The following ADD2 variants were observed in gnomAD, a reference collection of about 807,000 sequenced individuals.
ADD2 encodes the protein adducin 2, also known as beta-adducin.
ADD2 carries 23 observed loss-of-function variants against 83.0 expected under a neutral mutation model. The observed-to-expected ratio is 0.28, with a 90% CI of 0.20 to 0.39. ADD2 has a LOEUF of 0.39. ADD2 is among the 10% of genes least tolerant of loss of function. The pLI, the probability that ADD2 is intolerant of heterozygous loss-of-function variation, is 1.00. For synonymous variants in ADD2, 375 were observed against 375.4 expected, an observed-to-expected ratio of 1.00 and a Z score of 0.01; for missense variants, 758 against 944.9, an observed-to-expected ratio of 0.80 and a Z score of 2.59.
At chr2:70,736,005 T>C (rs79188300) in intron 1 of ADD2, among the ~76,000 whole-genome samples, 2,450 of 151,874 alleles carry the variant, frequency 0.016, 27 homozygotes, top group Non-Finnish European at 0.025. Context: ...ACACAGCCCA[T>C]GTTCCCCCAC....
intron 15 of ADD2, among the ~76,000 whole-genome samples, chr2:70,671,464 A>G (rs1669890615): frequency 6.6e-6 from 1 of 152,190 alleles, no homozygotes; most frequent in Non-Finnish European, 1.5e-5. Context: ...GTGAGTCGCA[A>G]AAGAAAAATG....
At chr2:70,732,764 T>C (rs1553379532) in intron 1 of ADD2, among the ~76,000 whole-genome samples, 1 of 152,220 alleles carries the variant, frequency 6.6e-6, no homozygotes, top group African/African-American at 2.4e-5. Flanking sequence ...GTCAGTGTCT[T>C]TCCTTTGGGG....
At position 70,678,698 on chromosome 2, in the gene ADD2, C is replaced by T. The variant is rs1553368891; in HGVS notation, c.1383+6G>A. 4.5e-6 allele frequency: 7 copies of T among 1,552,568 alleles called. No homozygotes were observed. The African/African-American group carries it at 6.8e-5, about 15-fold the overall frequency. On this transcript the variant is annotated splice_donor_region_variant and intron_variant, in intron 11 of 15. Transcript: ENST00000264436. ...CTGCCCGGGTCTGTCCTGGGCTCCC[C>T]CTTACCGTGGTCTTGGGTCGGGGGC...
In ADD2 at chr2:70,656,999, AC is replaced by A. The variant is rs1256178704; in HGVS notation, c.*6425del. On this transcript the variant is annotated 3_prime_UTR_variant, in exon 16 of 16. Coordinates refer to ENST00000264436, the MANE Select transcript of ADD2 (RefSeq NM_001617.4). ...TCAAACAGAAAACTATACAAAACCA[AC>A]CCATAAATATATATATATATATAAT... The A allele has an allele frequency of 1.4e-5, 2 of 141,716 alleles. No homozygotes were observed. Among genetic ancestry groups the A allele is most frequent in the African/African-American group, 5.3e-5 (2 of 37,990 alleles). 8.8% of individuals were successfully genotyped at this position (141,716 alleles called of 1,614,324 possible).
intron 1 of ADD2, among the ~76,000 whole-genome samples, chr2:70,761,373 C>A (rs949429887): frequency 4.0e-5 from 6 of 150,942 alleles, no homozygotes; most frequent in Non-Finnish European, 7.4e-5. Flanking sequence ...CTTTGGGAGG[C>A]CGAGGTGGGT....
chr2:70,669,800 T>C (rs547674089), intron 15 of ADD2, among the ~76,000 whole-genome samples: 4 of 152,178 alleles, frequency 2.6e-5, no homozygotes, highest in Admixed American at 1.3e-4. Context: ...CCAACAACCC[T>C]GATGGAAAAA....
chr2:70,749,096 C>T (rs942883720), intron 1 of ADD2, among the ~76,000 whole-genome samples: 1 of 152,060 alleles, frequency 6.6e-6, no homozygotes, highest in Non-Finnish European at 1.5e-5. Context: ...GCTGGTGAGG[C>T]CTCAGGAAAC....
chr2:70,751,229 G>A lies in ADD2; in HGVS notation c.-154+16657C>T, dbSNP rs186539819. ...GACACTCTGGAATTCCAGAGGGAATGTTTCAGTATATAACAGTTGACGCTT... is the reference window on the plus strand; with the variant it reads ...GACACTCTGGAATTCCAGAGGGAATATTTCAGTATATAACAGTTGACGCTT... On this transcript the variant is annotated intron_variant, in intron 1 of 15. Transcript: ENST00000264436. Among the ~76,000 whole-genome samples, 3 of 152,262 alleles carry A rather than the reference G, an allele frequency of 2.0e-5. No homozygotes were observed. The East Asian group carries it at 5.8e-4, about 29-fold the overall frequency.
chr2:70,669,041 C>T lies in ADD2; in HGVS notation c.1870+3837G>A, dbSNP rs187328718. 2.4e-3 allele frequency among the ~76,000 whole-genome samples: 362 copies of T among 152,202 alleles called. 3 individuals are homozygous for T. The highest frequency in any genetic ancestry group is 8.4e-3 in the African/African-American group (350 of 41,504). ...AGGTCATAGAGAGATTCATTAAAGA[C>T]CTTGAAAAAAAACATGTCCTATGTT... On this transcript the variant is annotated intron_variant, in intron 15 of 15. Transcript: ENST00000264436.
At position 70,731,543 on chromosome 2, in the gene ADD2, C is replaced by T. The variant is rs138757906; in HGVS notation, c.-153-18359G>A. On this transcript the variant is annotated intron_variant, in intron 1 of 15. Transcript: ENST00000264436. ...AAGCCTTGTCTGACTTTGTGCATCA[C>T]CATATCCCCAGCACCCAGAATAGCG... Among the ~76,000 whole-genome samples the T allele has an allele frequency of 2.8e-3, 433 of 152,298 alleles. 2 individuals are homozygous for T. Among genetic ancestry groups the T allele is most frequent in the South Asian group, 0.012 (58 of 4,828 alleles).
chr2:70,762,761 A>C (rs1242476430), intron 1 of ADD2, among the ~76,000 whole-genome samples: 2 of 149,214 alleles, frequency 1.3e-5, no homozygotes, highest in Non-Finnish European at 3.0e-5. Context: ...GCTGGAGTGC[A>C]ATGGTGTGAT....
Position 70,690,827 on chromosome 2 carries a change from C to T in ADD2, c.808G>A (p.Asp270Asn), listed in dbSNP as rs782454129. The T allele has an allele frequency of 1.2e-5, 19 of 1,614,054 alleles. No homozygotes were observed. The highest frequency in any genetic ancestry group is 1.6e-5 in the Non-Finnish European group (19 of 1,180,030). ...AGGCACTTCTGCAGGTTGATCCGATCGGCTTCCTGCTCCATTTCCCCATTG... is the reference window on the plus strand; with the variant it reads ...AGGCACTTCTGCAGGTTGATCCGATTGGCTTCCTGCTCCATTTCCCCATTG... ...DFNGEMEQEA[D>N]RINLQKCLGP... Residue 270 changes from aspartate (D) to asparagine (N), a missense_variant, in exon 8 of 16, where the codon GAT (aspartate) becomes AAT (asparagine). Coordinates refer to ENST00000264436, the MANE Select transcript of ADD2 (RefSeq NM_001617.4).
At chr2:70,698,954 T>C (rs1574259315) in intron 4 of ADD2, among the ~76,000 whole-genome samples, 1 of 152,154 alleles carries the variant, frequency 6.6e-6, no homozygotes, top group African/African-American at 2.4e-5. Flanking sequence ...TAACAACCTA[T>C]CTGGGCTTGA....
At chr2:70,680,496 C>A (rs1321280681) in intron 10 of ADD2, among the ~76,000 whole-genome samples, 1 of 152,134 alleles carries the variant, frequency 6.6e-6, no homozygotes, top group African/African-American at 2.4e-5. Context: ...ATTGCCCTAG[C>A]CATTCTGAAT....
At chr2:70,672,841 C>T (rs782318291) in intron 15 of ADD2, 37 bp downstream of exon 15, 12 of 1,579,338 alleles carry the variant, frequency 7.6e-6, no homozygotes, top group South Asian at 3.5e-5. Context: ...CAGATGCACC[C>T]CTCTCCCTCC....
chr2:70,765,883 T>C (rs1675355946), intron 1 of ADD2, among the ~76,000 whole-genome samples: 2 of 152,220 alleles, frequency 1.3e-5, no homozygotes, highest in Admixed American at 6.5e-5. Flanking sequence ...TGAATCCCTG[T>C]AAACTATCTT....
chr2:70,749,828 A>G (rs1230758198), intron 1 of ADD2, among the ~76,000 whole-genome samples: 1 of 152,234 alleles, frequency 6.6e-6, no homozygotes, highest in Non-Finnish European at 1.5e-5. Context: ...CATTGGTACC[A>G]TAAGGAGTCG....
chr2:70,761,002 A>T (rs1675056953), intron 1 of ADD2, among the ~76,000 whole-genome samples: 1 of 152,164 alleles, frequency 6.6e-6, no homozygotes, highest in Non-Finnish European at 1.5e-5. Context: ...TGTTACTGTG[A>T]AACAGCAACA....
chr2:70,717,056 C>A (rs1467248564), intron 1 of ADD2, among the ~76,000 whole-genome samples: 6 of 152,100 alleles, frequency 3.9e-5, no homozygotes, highest in African/African-American at 1.4e-4. Flanking sequence ...CCCTTGAGCA[C>A]CCCCTCACCT....
Sources: allele counts gnomAD v4.1 joint callset (sites outside exome capture counted in the v4.1 genomes callset), GRCh38; gene constraint gnomAD v4.1.1; transcripts MANE v1.5; gene names NCBI Gene and HGNC (gene_info 2026-07-23, HGNC 2026-07-21).